The following TRIP11 variants were observed in gnomAD, a reference collection of about 807,000 sequenced individuals.
TRIP11 encodes thyroid receptor-interacting protein 11.
In TRIP11, 148 loss-of-function variants were observed where a neutral mutation model predicts 223.1. The observed-to-expected ratio is 0.66, with a 90% CI of 0.58 to 0.76. The LOEUF (loss-of-function observed/expected upper bound fraction) is 0.76. TRIP11 is among the 30% of genes least tolerant of loss of function. The pLI, the probability that TRIP11 is intolerant of heterozygous loss-of-function variation, is 0.00. For synonymous variants in TRIP11, 762 were observed against 772.6 expected, an observed-to-expected ratio of 0.99 and a Z score of 0.23; for missense variants, 2,043 against 2,222.0, an observed-to-expected ratio of 0.92 and a Z score of 1.62.
chr14:92,001,572 T>C (rs943442559), intron 11 of TRIP11, among the ~76,000 whole-genome samples: 11 of 152,170 alleles, frequency 7.2e-5, no homozygotes, highest in African/African-American at 2.7e-4. Flanking sequence ...TACCCTCAAG[T>C]AATACAATAG....
At chr14:92,020,377 A>T (rs1202532068) in intron 4 of TRIP11, among the ~76,000 whole-genome samples, 1 of 152,200 alleles carries the variant, frequency 6.6e-6, no homozygotes, top group African/African-American at 2.4e-5. Context: ...AAGACAAAAA[A>T]GGGCTCCTTG....
Position 91,972,709 on chromosome 14 carries a change from AG to A in TRIP11, c.5719+7del. 1.2e-6 allele frequency: 2 copies of A among 1,605,160 alleles called. No individual in the cohort carries two copies. Among genetic ancestry groups the A allele is most frequent in the Non-Finnish European group, 1.7e-6 (2 of 1,175,826 alleles). On this transcript the variant is annotated splice_region_variant and intron_variant, in intron 20 of 20. Transcript: ENST00000267622. ...CAAATTATAGAAAAATTAAATCTCTAGTTTTACCTTTAAAACTTTCTGGTGC... is the reference window on the plus strand; with the variant it reads ...CAAATTATAGAAAAATTAAATCTCTATTTTACCTTTAAAACTTTCTGGTGC...
rs1462436704 is a variant in TRIP11 at position 91,995,461 on chromosome 14, G to T, written c.4947C>A (p.Ser1649=). 6.2e-7 allele frequency: 1 copy of T among 1,613,894 alleles called. No homozygotes were observed. The highest frequency in any genetic ancestry group is 8.5e-7 in the Non-Finnish European group (1 of 1,180,006). Residue 1649 remains serine (S), a synonymous_variant, in exon 14 of 21, where the codon TCC becomes TCA. Transcript: ENST00000267622. The part of the protein sequence containing the change: ...ESLQEQLNVV[S]KQRDETALQL... ...GCAGCGCAGTTTCATCCCTTTGCTT[G>T]GAAACTACATTCAACTGTTCTTGCA...
intron 16 of TRIP11, among the ~76,000 whole-genome samples, chr14:91,979,272 AAGAG>A (rs1204038145): frequency 1.5e-4 from 23 of 150,190 alleles, no homozygotes; most frequent in African/African-American, 2.5e-4. Flanking sequence ...AAAAAAAAAA[AAGAG>A]AGAGAGAGAG....
rs1014938073 is a variant in TRIP11 at position 92,040,022 on chromosome 14, GGCC to G, written c.-340_-338del. On this transcript the variant is annotated 5_prime_UTR_variant, in exon 1 of 21. Transcript: ENST00000267622. ...GGGTTACTCCTGCCAACTCGACGCC[GGCC>G]GCCATGACACTCGCTCGGAAAGCGG... 152 of 428,426 alleles carry G rather than the reference GGCC, an allele frequency of 3.5e-4. No individual in the cohort carries two copies. Among genetic ancestry groups the G allele is most frequent in the African/African-American group, 2.9e-3 (149 of 50,914 alleles). 26.5% of individuals were successfully genotyped at this position (428,426 alleles called of 1,614,324 possible).
At chr14:91,980,254 G>A (rs2056520708) in intron 16 of TRIP11, among the ~76,000 whole-genome samples, 1 of 152,150 alleles carries the variant, frequency 6.6e-6, no homozygotes, top group African/African-American at 2.4e-5. Flanking sequence ...CTACAATGCT[G>A]CCTTCAGAGA....
chr14:91,979,257 CA>C (rs558337126), intron 16 of TRIP11, among the ~76,000 whole-genome samples: 212 of 102,874 alleles, frequency 2.1e-3, no homozygotes, highest in South Asian at 0.012. Context: ...ACCCTGTCTC[CA>C]AAAAAAAAAA....
At position 92,021,813 on chromosome 14, in the gene TRIP11, T is replaced by C. The variant is rs776314213; in HGVS notation, c.331A>G (p.Lys111Glu). ...QQKEVEISHL[K>E]ARQIALQDQL... The stretch of plus-strand genomic sequence containing the variant: ...TCCTGGAGTGCAATCTGTCTGGCTT[T>C]AAGATGGCTGATTTCTACCTATATA... Residue 111 changes from lysine (K) to glutamate (E), a missense_variant, in exon 4 of 21, where the codon AAA (lysine) becomes GAA (glutamate). Lys to Glu is a moderately conservative substitution (Grantham distance 56, BLOSUM62 1). Transcript: ENST00000267622. The C allele has an allele frequency of 2.2e-5, 36 of 1,613,912 alleles. No homozygotes were observed. In the African/African-American group the frequency reaches 4.7e-4, roughly 21 times the overall value.
At position 92,011,741 on chromosome 14, in the gene TRIP11, C is replaced by A; in HGVS notation, c.1227+14G>T. On this transcript the variant is annotated intron_variant, in intron 8 of 20. Transcript: ENST00000267622. The stretch of plus-strand genomic sequence containing the variant: ...CTGTCTCTATGCACATAACATTTGT[C>A]AAAATTAATTTACCTGGTTTAAACT... 1.9e-6 allele frequency: 3 copies of A among 1,609,386 alleles called. No homozygotes were observed. In the South Asian group the frequency reaches 3.3e-5, roughly 18 times the overall value.
At position 91,994,327 on chromosome 14, in the gene TRIP11, C is replaced by G. The variant is rs190840887; in HGVS notation, c.5057-415G>C. Among the ~76,000 whole-genome samples the G allele has an allele frequency of 3.6e-4, 52 of 143,722 alleles. No individual in the cohort carries two copies. The East Asian group carries it at 9.6e-3, about 27-fold the overall frequency. The allele number at this position is 143,722 out of a possible 152,430, so 94.3% of individuals were successfully genotyped here. A position where few individuals can be genotyped will look rare whatever the true frequency, so the allele number is the denominator to read the frequency against. On this transcript the variant is annotated intron_variant, in intron 14 of 20. Coordinates refer to ENST00000267622, the MANE Select transcript of TRIP11 (RefSeq NM_004239.4). Reference sequence around the variant, plus strand: ...CCAGGCTGGAGTGCAGTGGTGTCATCTCGGCTCACTCACTGCAACCTCCTC... The same window carrying G: ...CCAGGCTGGAGTGCAGTGGTGTCATGTCGGCTCACTCACTGCAACCTCCTC...
At chr14:92,034,756 C>T (rs548922205) in intron 1 of TRIP11, among the ~76,000 whole-genome samples, 59 of 152,290 alleles carry the variant, frequency 3.9e-4, no homozygotes, top group South Asian at 1.0e-3. Flanking sequence ...CTTCAGCCTT[C>T]CAAGTAGTTG....
chr14:91,981,008 A>AT lies in TRIP11; in HGVS notation c.5261-4820dup, dbSNP rs1211000138. On this transcript the variant is annotated intron_variant, in intron 16 of 20. Coordinates refer to ENST00000267622, the MANE Select transcript of TRIP11 (RefSeq NM_004239.4). ...ATGTATATTATATATATATATATAT[A>AT]TATATTTTTTTTTTTTTTTTTTTTT... Among the ~76,000 whole-genome samples the AT allele has an allele frequency of 6.1e-4, 48 of 78,308 alleles. 1 individual carries two copies. Among genetic ancestry groups the AT allele is most frequent in the African/African-American group, 1.3e-3 (21 of 15,560 alleles). The allele number at this position is 78,308 out of a possible 152,430, so 51.4% of individuals were successfully genotyped here. A position where few individuals can be genotyped will look rare whatever the true frequency, so the allele number is the denominator to read the frequency against.
chr14:91,998,920 G>A (rs1178104172), intron 13 of TRIP11, among the ~76,000 whole-genome samples: 3 of 152,092 alleles, frequency 2.0e-5, no homozygotes, highest in African/African-American at 7.2e-5. Flanking sequence ...TTTTGGAGTT[G>A]AACAGAGCCA....
At position 92,037,857 on chromosome 14, in the gene TRIP11, AGAGT is replaced by A. The variant is rs1276683915; in HGVS notation, c.139+1686_139+1689del. 1.3e-5 allele frequency among the ~76,000 whole-genome samples: 2 copies of A among 152,244 alleles called. No homozygotes were observed. The highest frequency in any genetic ancestry group is 2.9e-5 in the Non-Finnish European group (2 of 68,040). On this transcript the variant is annotated intron_variant, in intron 1 of 20. Transcript: ENST00000267622. The surrounding 1 kb of genome is among the most constrained non-coding windows in gnomAD (Gnocchi z 4.2). Reference sequence around the variant, plus strand: ...CGCCACTGCATCCAGCCTACGCAACAGAGTGAGACTCAGTCCAAAACTAAGAGGT... The same window carrying A: ...CGCCACTGCATCCAGCCTACGCAACAGAGACTCAGTCCAAAACTAAGAGGT...
At chr14:92,038,858 C>G (rs997917850) in intron 1 of TRIP11, among the ~76,000 whole-genome samples, 4 of 152,114 alleles carry the variant, frequency 2.6e-5, no homozygotes, top group Non-Finnish European at 4.4e-5. Flanking sequence ...CCATGTAACT[C>G]TGGGTCACTA....
chr14:92,017,839 T>C, intron 4 of TRIP11, 89 bp from the exon 5 acceptor site: 1 of 1,178,464 alleles, frequency 8.5e-7, no homozygotes. Context: ...AAGAATACTT[T>C]TGTAAAAAGG....
rs373916255 is a variant in TRIP11, at chr14:91,974,758, T to C, written c.5458-15A>G. 1.1e-4 allele frequency: 178 copies of C among 1,576,720 alleles called. No individual in the cohort carries two copies. The highest frequency in any genetic ancestry group is 1.4e-4 in the Non-Finnish European group (162 of 1,149,950). Reference sequence around the variant, plus strand: ...TCATGAAACAACTGAAAGATTATTTTAAAACAGACAAATATTATCAGTACA... The same window carrying C: ...TCATGAAACAACTGAAAGATTATTTCAAAACAGACAAATATTATCAGTACA... On this transcript the variant is annotated splice_polypyrimidine_tract_variant and intron_variant, in intron 18 of 20. Coordinates refer to ENST00000267622, the MANE Select transcript of TRIP11 (RefSeq NM_004239.4).
Position 92,006,321 on chromosome 14 carries a change from T to G in TRIP11, c.1655A>C (p.Asp552Ala), listed in dbSNP as rs747623787. The change falls in exon 11 of 21, where the codon GAC becomes GCC. Residue 552 changes from aspartate to alanine, a missense_variant. Transcript: ENST00000267622. Reference protein sequence around the residue: ...RVHQLEDDKMDITKELDVQKE... With the variant: ...RVHQLEDDKMAITKELDVQKE... ...CTGTACATCTAACTCTTTAGTAATGTCCATTTTATCATCTTCAAGTTGATG... is the reference window on the plus strand; with the variant it reads ...CTGTACATCTAACTCTTTAGTAATGGCCATTTTATCATCTTCAAGTTGATG... The G allele has an allele frequency of 1.4e-5, 22 of 1,610,414 alleles. 1 individual carries two copies. The South Asian group carries it at 2.4e-4, about 18-fold the overall frequency.
chr14:91,995,532 TAA>T lies in TRIP11; in HGVS notation c.4893-19_4893-18del, dbSNP rs1425788998. The T allele has an allele frequency of 6.2e-7, 1 of 1,613,636 alleles. No homozygotes were observed. The highest frequency in any genetic ancestry group is 8.5e-7 in the Non-Finnish European group (1 of 1,179,764). On this transcript the variant is annotated intron_variant, in intron 13 of 20. Transcript: ENST00000267622. ...GCTTGATGGCTTCAAACAAAAAGAA[TAA>T]AAGTCAAACTGCTTCATCTATTTAG...
Sources: allele counts gnomAD v4.1 joint callset (sites outside exome capture counted in the v4.1 genomes callset), GRCh38; gene constraint gnomAD v4.1.1; non-coding constraint Gnocchi (gnomAD v3.1); transcripts MANE v1.5; gene names NCBI Gene and HGNC (gene_info 2026-07-23, HGNC 2026-07-21).